Variants in DLG2 observed in about 807,000 individuals in gnomAD.
DLG2 encodes discs large MAGUK scaffold protein 2.
Under a neutral mutation model 132.5 loss-of-function variants are expected in DLG2, and 45 were observed. The ratio of observed to expected loss-of-function variants is 0.34; its 90% CI spans 0.27 to 0.44. DLG2 has a LOEUF of 0.44. DLG2 is among the 20% of genes least tolerant of loss of function. The probability of loss-of-function intolerance (pLI) is 1.00; values close to 1 mark genes in which losing one functional copy is unlikely to be tolerated. For synonymous variants in DLG2, 424 were observed against 419.6 expected, an observed-to-expected ratio of 1.01 and a Z score of -0.13; for missense variants, 1,045 against 1,196.9, an observed-to-expected ratio of 0.87 and a Z score of 1.87.
chr11:85,050,182 G>A (rs1184428014), intron 6 of DLG2, among the ~76,000 whole-genome samples: 2 of 146,678 alleles, frequency 1.4e-5, no homozygotes. Context: ...CTGAACTGAG[G>A]GTAAAAAGGT....
Position 83,466,776 on chromosome 11 carries a change from C to T in DLG2, c.2661G>A (p.Lys887=), listed in dbSNP as rs1409208430. ...GATAGAGCTGGGCAACTTGTAACCG[C>T]TTGATAGCATTTCCTGATACATCAA... ...CILDVSGNAI[K]RLQVAQLYPI... Residue 887 remains lysine, a synonymous_variant, in exon 26 of 28, where the codon AAG becomes AAA. Coordinates refer to ENST00000376104, the MANE Select transcript of DLG2 (RefSeq NM_001142699.3). The T allele has an allele frequency of 3.1e-6, 5 of 1,613,752 alleles. No individual in the cohort carries two copies. Among genetic ancestry groups the T allele is most frequent in the Non-Finnish European group, 4.2e-6 (5 of 1,179,718 alleles).
intron 3 of DLG2, among the ~76,000 whole-genome samples, chr11:85,361,086 G>A (rs568611901): frequency 4.7e-4 from 71 of 152,130 alleles, no homozygotes; most frequent in African/African-American, 1.7e-3. Context: ...ACTTGTACAA[G>A]GTCACACAAT....
intron 6 of DLG2, among the ~76,000 whole-genome samples, chr11:84,565,092 C>T (rs1355399946): frequency 1.3e-5 from 2 of 151,948 alleles, no homozygotes; most frequent in African/African-American, 2.4e-5. Context: ...TAAAGCATTC[C>T]CTTCAAACTC....
At chr11:84,857,681 T>C (rs1302576250) in intron 6 of DLG2, among the ~76,000 whole-genome samples, 1 of 152,108 alleles carries the variant, frequency 6.6e-6, no homozygotes, top group Non-Finnish European at 1.5e-5. Context: ...CACTTTGCTA[T>C]GTCTCCCCAT....
intron 14 of DLG2, among the ~76,000 whole-genome samples, chr11:83,943,748 C>T (rs1471685): frequency 0.076 from 11,641 of 152,236 alleles, 610 homozygotes; most frequent in Non-Finnish European, 0.12. Flanking sequence ...TCTATTCACT[C>T]AACATATTTA....
At chr11:83,813,503 C>G (rs1016694661) in intron 17 of DLG2, among the ~76,000 whole-genome samples, 3 of 152,102 alleles carry the variant, frequency 2.0e-5, no homozygotes, top group Non-Finnish European at 2.9e-5. Flanking sequence ...GACACAAGGC[C>G]TTTTCACTCC....
chr11:83,999,335 C>T (rs898635600), intron 11 of DLG2, among the ~76,000 whole-genome samples: 2 of 152,168 alleles, frequency 1.3e-5, no homozygotes, highest in Non-Finnish European at 2.9e-5. Flanking sequence ...CTGGCACCTA[C>T]CTGCATGTAC....
chr11:84,859,950 G>T (rs1332565861), intron 6 of DLG2, among the ~76,000 whole-genome samples: 1 of 152,052 alleles, frequency 6.6e-6, no homozygotes, highest in Non-Finnish European at 1.5e-5. Flanking sequence ...CTTGAACAAA[G>T]CCTTCTGTAT....
At chr11:83,520,499 GCTTTCA>G (rs1480307156) in intron 21 of DLG2, among the ~76,000 whole-genome samples, 3 of 152,172 alleles carry the variant, frequency 2.0e-5, no homozygotes, top group African/African-American at 7.2e-5. Flanking sequence ...CATTGCTCAT[GCTTTCA>G]CATTAGGTGG....
intron 18 of DLG2, among the ~76,000 whole-genome samples, chr11:83,650,556 T>G (rs781629658): frequency 2.0e-4 from 31 of 152,182 alleles, no homozygotes; most frequent in Non-Finnish European, 3.7e-4. Flanking sequence ...AGAACTGTGC[T>G]GTAATAAGCC....
At chr11:83,778,009 A>T (rs376385803) in intron 18 of DLG2, among the ~76,000 whole-genome samples, 1 of 152,204 alleles carries the variant, frequency 6.6e-6, no homozygotes, top group African/African-American at 2.4e-5. Context: ...AGAGTGAGGG[A>T]CAGGACGAGA....
At chr11:84,941,602 TTAA>T (rs2049438256) in intron 6 of DLG2, among the ~76,000 whole-genome samples, 1 of 152,170 alleles carries the variant, frequency 6.6e-6, no homozygotes, top group South Asian at 2.1e-4. Flanking sequence ...AGTGATCTTT[TTAA>T]TGTGTTGTTG....
intron 21 of DLG2, among the ~76,000 whole-genome samples, chr11:83,519,044 G>A (rs997321426): frequency 9.2e-5 from 14 of 152,160 alleles, no homozygotes; most frequent in Admixed American, 8.5e-4. Flanking sequence ...ACAGTGCAGA[G>A]AGAGCAGCCA....
In DLG2 at chr11:85,598,775, A is replaced by T; in HGVS notation, c.-79T>A. The T allele has an allele frequency of 8.7e-7, 1 of 1,145,966 alleles. No homozygotes were observed. The highest frequency in any genetic ancestry group is 1.2e-6 in the Non-Finnish European group (1 of 814,038). The allele number at this position is 1,145,966 out of a possible 1,614,324, so 71.0% of individuals were successfully genotyped here. A position where few individuals can be genotyped will look rare whatever the true frequency, so the allele number is the denominator to read the frequency against. On this transcript the variant is annotated 5_prime_UTR_variant, in exon 3 of 28. Coordinates refer to ENST00000376104, the MANE Select transcript of DLG2 (RefSeq NM_001142699.3). ...TGCAGTATTCTTCCAGTAATGATAA[A>T]GCTCGGTCAGTATCTGAAAAACATG...
intron 3 of DLG2, among the ~76,000 whole-genome samples, chr11:85,424,128 C>T (rs1046900844): frequency 6.6e-6 from 1 of 152,176 alleles, no homozygotes; most frequent in Non-Finnish European, 1.5e-5. Context: ...TGGCTGTCTA[C>T]ACTGACTCAG....
intron 7 of DLG2, among the ~76,000 whole-genome samples, chr11:84,406,513 CTTTG>C (rs2098850572): frequency 6.6e-6 from 1 of 152,144 alleles, no homozygotes; most frequent in East Asian, 1.9e-4. Context: ...TTTTATTTCA[CTTTG>C]TTTGTAGAGA....
chr11:84,376,632 TATTTTTG>T (rs2098730143), intron 7 of DLG2, among the ~76,000 whole-genome samples: 1 of 151,938 alleles, frequency 6.6e-6, no homozygotes, highest in Non-Finnish European at 1.5e-5. Context: ...TCTTGATTTT[TATTTTTG>T]ATTTATAATC....
At chr11:84,081,434 GAAAAAAGAAAA>G (rs1189479708) in intron 10 of DLG2, among the ~76,000 whole-genome samples, 1 of 62,986 alleles carries the variant, frequency 1.6e-5, no homozygotes, top group Non-Finnish European at 5.4e-5. Flanking sequence ...AATTTACAAA[GAAAAAAGAAAA>G]AAAAAAGTAA....
At chr11:84,510,423 T>G (rs2099254044) in intron 7 of DLG2, among the ~76,000 whole-genome samples, 2 of 152,070 alleles carry the variant, frequency 1.3e-5, no homozygotes, top group Non-Finnish European at 2.9e-5. Context: ...CGCCAGAAAT[T>G]CCTAAGGGTT....
Sources: gnomAD v4.1 joint callset for allele counts (sites outside exome capture counted in the v4.1 genomes callset) on GRCh38, gnomAD v4.1.1 for gene constraint, MANE v1.5 for transcripts, NCBI Gene and HGNC (gene_info 2026-07-23, HGNC 2026-07-21) for gene names.